The following TMX3 variants were observed in gnomAD, a reference collection of about 807,000 sequenced individuals.
TMX3 encodes the protein thioredoxin related transmembrane protein 3.
A neutral mutation model predicts 64.4 loss-of-function variants in TMX3; 40 were observed. The observed-to-expected ratio is 0.62, with a 90% confidence interval of 0.48 to 0.81. The LOEUF is 0.81. Ranked by LOEUF, TMX3 falls within the 30% of genes least tolerant of loss-of-function variation. The probability of loss-of-function intolerance (pLI) is 0.00; values close to 1 mark genes in which losing one functional copy is unlikely to be tolerated. For missense variants in TMX3, 497 were observed against 534.5 expected, an observed-to-expected ratio of 0.93 and a Z score of 0.69; for synonymous variants, 189 against 175.7, an observed-to-expected ratio of 1.08 and a Z score of -0.60.
At chr18:68,687,156 C>T in intron 10 of TMX3, 1 of 984,070 alleles carries the variant, frequency 1.0e-6, no homozygotes, top group African/African-American at 1.7e-5. Context: ...CAGTTAGCTT[C>T]TTATTTTTAT....
chr18:68,699,955 A>G (rs2060910221), intron 6 of TMX3, among the ~76,000 whole-genome samples: 1 of 152,178 alleles, frequency 6.6e-6, no homozygotes, highest in Non-Finnish European at 1.5e-5. Context: ...AAAATATTTT[A>G]GCTGTATCTA....
chr18:68,682,980 C>T lies in TMX3; in HGVS notation c.850G>A (p.Asp284Asn). ...ARDYRDLFHRDFQFGHMDGND... is the reference protein window; with the variant it reads ...ARDYRDLFHRNFQFGHMDGND... ...CCATCCATGTGGCCAAACTGAAAAT[C>T]CCTAACCACCACCAACCAAAAATAA... The change falls in exon 13 of 16, where the codon GAT (aspartate) becomes AAT (asparagine). Residue 284 changes from aspartate to asparagine, a missense_variant and splice_region_variant. Physicochemically the swap from Asp to Asn is conservative, Grantham distance 23. Coordinates refer to ENST00000299608, the MANE Select transcript of TMX3 (RefSeq NM_019022.5). The T allele has an allele frequency of 2.5e-6, 4 of 1,609,146 alleles. No homozygotes were observed. Among genetic ancestry groups the T allele is most frequent in the Non-Finnish European group, 3.4e-6 (4 of 1,177,190 alleles).
intron 6 of TMX3, among the ~76,000 whole-genome samples, chr18:68,698,915 G>A (rs567001215): frequency 4.9e-4 from 69 of 140,494 alleles, no homozygotes; most frequent in African/African-American, 1.6e-3. Flanking sequence ...CCAGCTACTC[G>A]GGAGGTTGAG....
At chr18:68,703,537 GATCT>G (rs1458523829) in intron 4 of TMX3, among the ~76,000 whole-genome samples, 2 of 152,192 alleles carry the variant, frequency 1.3e-5, no homozygotes, top group Non-Finnish European at 2.9e-5. Context: ...AGACAATGGA[GATCT>G]ATCACCCAAC....
At chr18:68,701,508 AGTGCGTGTCACACAGCAAGCAAAACAC>A (rs1275395575) in intron 5 of TMX3, 13 of 772,934 alleles carry the variant, frequency 1.7e-5, no homozygotes, top group Non-Finnish European at 2.0e-5. Flanking sequence ...TGTCCTGCAC[AGTGCGTGTCACACAGCAAGCAAAACAC>A]GTGAATTAGC....
At chr18:68,682,103 G>A (rs775992436) in intron 13 of TMX3, among the ~76,000 whole-genome samples, 2 of 152,172 alleles carry the variant, frequency 1.3e-5, no homozygotes, top group Non-Finnish European at 2.9e-5. Context: ...TCCCAGCCCT[G>A]TCCTACATAG....
At chr18:68,701,699 G>A (rs754548051) in intron 5 of TMX3, 46 bp downstream of exon 5, 30 of 1,609,012 alleles carry the variant, frequency 1.9e-5, no homozygotes, top group Non-Finnish European at 2.1e-5. Context: ...TGTAAGTAGA[G>A]TGAACTAATA....
chr18:68,702,930 C>T (rs578080875), intron 4 of TMX3, among the ~76,000 whole-genome samples: 2 of 152,206 alleles, frequency 1.3e-5, no homozygotes, highest in South Asian at 2.1e-4. Context: ...GGACAGTGGC[C>T]GACACGTATC....
rs184167921 is a variant in TMX3, at chr18:68,698,393, C to T, written c.393-362G>A. On this transcript the variant is annotated intron_variant, in intron 6 of 15. Transcript: ENST00000299608. ...ATTCCCAAGAGAGTTATTTTTTTCT[C>T]CCTTTCAAAAGATCATTCACAAAAA... 6.7e-3 allele frequency among the ~76,000 whole-genome samples: 1,016 copies of T among 152,154 alleles called. 4 individuals are homozygous for T. The highest frequency in any genetic ancestry group is 9.9e-3 in the Non-Finnish European group (670 of 67,996).
In TMX3 at chr18:68,707,947, ATG is replaced by A. The variant is rs914030422; in HGVS notation, c.265+2072_265+2073del. On this transcript the variant is annotated intron_variant, in intron 4 of 15. Transcript: ENST00000299608. ...TATATGTGTATATATGTGTATATAT[ATG>A]TGTATATATGTGTATATGTGTACAT... is the stretch of plus-strand genomic sequence containing the variant. 1.2e-4 allele frequency among the ~76,000 whole-genome samples: 18 copies of A among 148,512 alleles called. 1 individual carries two copies. Among genetic ancestry groups the A allele is most frequent in the Admixed American group, 5.4e-4 (8 of 14,790 alleles).
At position 68,710,050 on chromosome 18, in the gene TMX3, A is replaced by G. The variant is rs912049296; in HGVS notation, c.236T>C (p.Val79Ala). The G allele has an allele frequency of 5.0e-6, 8 of 1,592,928 alleles. No homozygotes were observed. The highest frequency in any genetic ancestry group is 6.0e-6 in the Non-Finnish European group (7 of 1,170,714). Residue 79 changes from valine (V) to alanine (A), a missense_variant, in exon 4 of 16, where the codon GTT becomes GCT. This residue lies in a region of TMX3 where 360 missense variants were observed against 383.5 expected (regional missense o/e 0.94). Coordinates refer to ENST00000299608, the MANE Select transcript of TMX3 (RefSeq NM_019022.5). Reference sequence around the variant, plus strand: ...ATAGGAAGTAGCATCCATCTTTCCAACCTTAACTGGAGAACCAATGCTTTT... The same window carrying G: ...ATAGGAAGTAGCATCCATCTTTCCAGCCTTAACTGGAGAACCAATGCTTTT... ...EMKSIGSPVK[V>A]GKMDATSYSS... is the part of the protein sequence containing the mutation.
intron 14 of TMX3, among the ~76,000 whole-genome samples, chr18:68,680,523 C>A (rs950043277): frequency 6.6e-6 from 1 of 152,114 alleles, no homozygotes; most frequent in African/African-American, 2.4e-5. Context: ...CAATAAATTT[C>A]CTCATTTCTT....
intron 4 of TMX3, among the ~76,000 whole-genome samples, chr18:68,705,013 T>C (rs2030522615): frequency 6.6e-6 from 1 of 152,236 alleles, no homozygotes; most frequent in South Asian, 2.1e-4. Flanking sequence ...CTACCTGTTT[T>C]AGTATTTACT....
chr18:68,711,548 G>T, intron 2 of TMX3, 145 bp from the exon 3 acceptor site: 1 of 481,886 alleles, frequency 2.1e-6, no homozygotes, highest in Non-Finnish European at 3.7e-6. Flanking sequence ...TTTACTCAGT[G>T]ACCTATCCAT....
Position 68,698,018 on chromosome 18 carries a change from G to A in TMX3, c.406C>T (p.Pro136Ser). Reference protein sequence around the residue: ...AHRVSGALIRPLPSQQMFEHM... With the variant: ...AHRVSGALIRSLPSQQMFEHM... ...TCAAACATTTGTTGACTTGGAAGTG[G>A]CCGAATTAGAGCCCTGTTGCACAAC... is the stretch of plus-strand genomic sequence containing the variant. Residue 136 changes from proline to serine, a missense_variant, in exon 7 of 16, where the codon CCA becomes TCA. By Grantham distance (74) the Pro-to-Ser change is moderately conservative. Around this residue, in one of 3 missense-constraint regions of TMX3, gnomAD observed 360 missense variants for 383.5 expected, o/e 0.94. Coordinates refer to ENST00000299608, the MANE Select transcript of TMX3 (RefSeq NM_019022.5). The A allele has an allele frequency of 2.5e-6, 4 of 1,610,414 alleles. No individual in the cohort carries two copies. In the South Asian group the frequency reaches 4.4e-5, roughly 18 times the overall value.
At chr18:68,678,376 T>C (rs930530564) in intron 15 of TMX3, among the ~76,000 whole-genome samples, 10 of 152,154 alleles carry the variant, frequency 6.6e-5, no homozygotes, top group Non-Finnish European at 1.0e-4. Context: ...TGCTGTCAAG[T>C]TGATTGACAG....
chr18:68,714,858 C>T (rs1407566982), intron 1 of TMX3, 78 bp downstream of exon 1: 3 of 1,540,278 alleles, frequency 1.9e-6, no homozygotes, highest in Admixed American at 3.9e-5. Flanking sequence ...TCGCCCCAGA[C>T]CCGGGTCCAA....
chr18:68,712,543 T>C (rs1438636082), intron 2 of TMX3, among the ~76,000 whole-genome samples: 1 of 152,138 alleles, frequency 6.6e-6, no homozygotes, highest in African/African-American at 2.4e-5. Flanking sequence ...ACGAACAGTT[T>C]GCTCTTGGTA....
intron 6 of TMX3, among the ~76,000 whole-genome samples, chr18:68,698,568 A>C (rs1265286209): frequency 1.3e-5 from 2 of 152,204 alleles, no homozygotes; most frequent in African/African-American, 4.8e-5. Context: ...CATTTACAGA[A>C]AAAATAAAAT....
Sources: gnomAD v4.1 joint callset for allele counts (sites outside exome capture counted in the v4.1 genomes callset) on GRCh38, gnomAD v4.1.1 for gene constraint, gnomAD v4.1.1 regional missense constraint, MANE v1.5 for transcripts, NCBI Gene and HGNC (gene_info 2026-07-23, HGNC 2026-07-21) for gene names.